MAF: variants seen among roughly 807,000 people sequenced by gnomAD.
The protein encoded by MAF is transcription factor Maf.
A neutral mutation model predicts 22.0 loss-of-function variants in MAF; 10 were observed. That is an observed-to-expected ratio of 0.45 (90% CI 0.28 to 0.77). MAF has a LOEUF of 0.77. MAF is among the 30% of genes least tolerant of loss of function. The pLI is 0.12. For synonymous variants in MAF, 337 were observed against 255.8 expected (o/e 1.32, Z -3.03); for missense variants, 544 against 548.4 (o/e 0.99, Z 0.08).
At chr16:79,347,928 C>A in the MAF span, among the ~76,000 whole-genome samples, 2 of 152,208 alleles carry the variant, frequency 1.3e-5, no homozygotes, top group Admixed American at 1.3e-4. Flanking sequence ...TATGAGTGTG[C>A]GTGCATCTAT....
chr16:79,334,708 C>T, the MAF span, among the ~76,000 whole-genome samples: 1 of 152,072 alleles, frequency 6.6e-6, no homozygotes, highest in Admixed American at 6.6e-5. Flanking sequence ...ACCCATGAAG[C>T]TGGGCCTGGT....
At chr16:79,236,217 T>C in the MAF span, among the ~76,000 whole-genome samples, 1 of 152,094 alleles carries the variant, frequency 6.6e-6, no homozygotes, top group East Asian at 1.9e-4. Flanking sequence ...GTCCTCTTGA[T>C]ACAGAGGAAT....
At chr16:79,552,984 G>C in the MAF span, among the ~76,000 whole-genome samples, 1 of 152,134 alleles carries the variant, frequency 6.6e-6, no homozygotes, top group Non-Finnish European at 1.5e-5. Flanking sequence ...AGGTAAAATT[G>C]AAAAAACATG....
chr16:79,341,812 C>T, the MAF span, among the ~76,000 whole-genome samples: 1 of 152,168 alleles, frequency 6.6e-6, no homozygotes, highest in Non-Finnish European at 1.5e-5. Context: ...CCATCAGATG[C>T]TGATGGGTGA....
chr16:79,571,012 T>C, the MAF span, among the ~76,000 whole-genome samples: 2 of 151,988 alleles, frequency 1.3e-5, no homozygotes, highest in Middle Eastern at 6.8e-3. Context: ...CAAGCGTCTA[T>C]AGAGGGAAAG....
At chr16:79,298,747 G>A in the MAF span, among the ~76,000 whole-genome samples, 2 of 152,264 alleles carry the variant, frequency 1.3e-5, no homozygotes, top group Admixed American at 6.5e-5. Context: ...CTTGGGTGAA[G>A]CCAGGGCAGA....
chr16:79,359,710 G>T, the MAF span, among the ~76,000 whole-genome samples: 1 of 152,128 alleles, frequency 6.6e-6, no homozygotes, highest in Non-Finnish European at 1.5e-5. Flanking sequence ...AGAGCTTGGG[G>T]GTCAAGCAGA....
At chr16:79,544,034 A>G in the MAF span, among the ~76,000 whole-genome samples, 654 of 151,998 alleles carry the variant, frequency 4.3e-3, 7 homozygotes, top group African/African-American at 0.015. Flanking sequence ...ACCAAGAGAC[A>G]CCCCCATCTT....
the MAF span, among the ~76,000 whole-genome samples, chr16:79,210,254 A>T: frequency 1.3e-5 from 2 of 152,214 alleles, no homozygotes; most frequent in African/African-American, 4.8e-5. Context: ...AATGACAACA[A>T]CAAACCCAAG....
the MAF span, among the ~76,000 whole-genome samples, chr16:79,461,114 C>G: frequency 6.6e-6 from 1 of 152,072 alleles, no homozygotes; most frequent in African/African-American, 2.4e-5. Flanking sequence ...TGTTTAGTAA[C>G]TTTTATAAAA....
the MAF span, among the ~76,000 whole-genome samples, chr16:79,373,743 G>T: frequency 6.6e-6 from 1 of 152,036 alleles, no homozygotes; most frequent in Admixed American, 6.5e-5. Context: ...ATCATGTGAT[G>T]CCCTGAGCTG....
the MAF span, among the ~76,000 whole-genome samples, chr16:79,451,189 T>C: frequency 6.6e-6 from 1 of 152,354 alleles, no homozygotes; most frequent in East Asian, 1.9e-4. Context: ...CAGTTAAAAC[T>C]AACATGTAGT....
the MAF span, among the ~76,000 whole-genome samples, chr16:79,385,414 C>A: frequency 3.3e-5 from 5 of 151,980 alleles, no homozygotes; most frequent in Non-Finnish European, 7.4e-5. Context: ...TAAAATTATG[C>A]TTTTTTTTCA....
At chr16:79,234,466 T>G in the MAF span, among the ~76,000 whole-genome samples, 1 of 152,152 alleles carries the variant, frequency 6.6e-6, no homozygotes, top group Non-Finnish European at 1.5e-5. Flanking sequence ...AGCAAATAGT[T>G]GTAAAATAGT....
At chr16:79,546,976 T>C in the MAF span, among the ~76,000 whole-genome samples, 3 of 152,136 alleles carry the variant, frequency 2.0e-5, no homozygotes, top group Admixed American at 1.3e-4. Flanking sequence ...AAGTGCAAAT[T>C]TGGGGGTGAT....
At chr16:79,482,825 C>T in the MAF span, among the ~76,000 whole-genome samples, 1 of 145,302 alleles carries the variant, frequency 6.9e-6, no homozygotes, top group Admixed American at 6.8e-5. Context: ...GTAGGGCATA[C>T]ATCATACCCC....
chr16:79,348,888 T>G, the MAF span, among the ~76,000 whole-genome samples: 3 of 152,342 alleles, frequency 2.0e-5, no homozygotes, highest in Admixed American at 2.0e-4. Flanking sequence ...GAGGTGTTGT[T>G]AAGCGTTCCG....
At chr16:79,438,141 G>A in the MAF span, among the ~76,000 whole-genome samples, 1 of 152,100 alleles carries the variant, frequency 6.6e-6, no homozygotes, top group East Asian at 1.9e-4. Flanking sequence ...GAGAGTGGGG[G>A]CAGGAGGTTC....
the MAF span, among the ~76,000 whole-genome samples, chr16:79,315,062 AT>A: frequency 2.0e-5 from 3 of 152,314 alleles, no homozygotes; most frequent in East Asian, 5.8e-4. Context: ...CTGCTATATT[AT>A]TAATTTCATT....
Sources: allele counts gnomAD v4.1 joint callset (sites outside exome capture counted in the v4.1 genomes callset), GRCh38; gene constraint gnomAD v4.1.1; transcripts MANE v1.5; gene names NCBI Gene and HGNC (gene_info 2026-07-23, HGNC 2026-07-21).